The following ARHGAP20 variants were observed in gnomAD, a reference collection of about 807,000 sequenced individuals.
The protein encoded by ARHGAP20 is Rho GTPase activating protein 20, also known as rho GTPase-activating protein 20.
In ARHGAP20, 34 loss-of-function variants were observed where a neutral mutation model predicts 73.7. The ratio of observed to expected loss-of-function variants is 0.46; its 90% CI spans 0.35 to 0.61. The LOEUF (loss-of-function observed/expected upper bound fraction) is 0.61. ARHGAP20 is among the 20% of genes least tolerant of loss of function. The pLI is 0.00. For synonymous variants in ARHGAP20, 523 were observed against 518.2 expected (o/e 1.01, Z -0.13); for missense variants, 1,314 against 1,420.9 (o/e 0.92, Z 1.21).
At chr11:110,642,498 G>C (rs1439926895) in intron 2 of ARHGAP20, among the ~76,000 whole-genome samples, 2 of 152,030 alleles carry the variant, frequency 1.3e-5, no homozygotes, top group Non-Finnish European at 2.9e-5. Context: ...TATCAGGAAG[G>C]GATGTTGGGT....
At chr11:110,582,466 T>G in intron 13 of ARHGAP20, 31 bp from the exon 14 acceptor site, 2 of 1,354,608 alleles carry the variant, frequency 1.5e-6, no homozygotes, top group Non-Finnish European at 2.1e-6. Context: ...GAAGTATTAC[T>G]TTTCATATTA....
At chr11:110,698,829 C>A (rs1459619723) in intron 1 of ARHGAP20, among the ~76,000 whole-genome samples, 1 of 151,756 alleles carries the variant, frequency 6.6e-6, no homozygotes, top group African/African-American at 2.4e-5. Context: ...ATTTAGCCAG[C>A]AGTCTGTCAT....
chr11:110,703,394 G>C (rs1425643921), intron 1 of ARHGAP20, among the ~76,000 whole-genome samples: 1 of 151,866 alleles, frequency 6.6e-6, no homozygotes, highest in African/African-American at 2.4e-5. Context: ...CTGGACCCTA[G>C]TTCTACCACT....
Position 110,624,877 on chromosome 11 carries a change from G to C in ARHGAP20, c.354-566C>G, listed in dbSNP as rs138684730. ...TGGCCACCTTATTTTTCTATATGTC[G>C]AGCATTGCATTTAGATCAAAAACCT... On this transcript the variant is annotated intron_variant, in intron 3 of 14. Transcript: ENST00000683387. Among the ~76,000 whole-genome samples the C allele has an allele frequency of 3.3e-3, 502 of 152,096 alleles. 3 individuals carry two copies. Among genetic ancestry groups the C allele is most frequent in the African/African-American group, 0.011 (463 of 41,510 alleles).
At chr11:110,586,050 A>G (rs190604478) in intron 12 of ARHGAP20, among the ~76,000 whole-genome samples, 166 bp downstream of exon 12, 88 of 152,320 alleles carry the variant, frequency 5.8e-4, no homozygotes, top group African/African-American at 2.0e-3. Context: ...AAGTATTACA[A>G]TGTTCAACTA....
rs1949059984 is a variant in ARHGAP20 at position 110,640,714 on chromosome 11, T to C, written c.189-9922A>G. Among the ~76,000 whole-genome samples, 3 of 143,044 alleles carry C rather than the reference T, an allele frequency of 2.1e-5. No individual in the cohort carries two copies. The South Asian group carries it at 6.4e-4, about 31-fold the overall frequency. The allele number at this position is 143,044 out of a possible 152,430, so 93.8% of individuals were successfully genotyped here. A position where few individuals can be genotyped will look rare whatever the true frequency, so the allele number is the denominator to read the frequency against. On this transcript the variant is annotated intron_variant, in intron 2 of 14. Coordinates refer to ENST00000683387, the MANE Select transcript of ARHGAP20 (RefSeq NM_001384657.1). ...ACATGTAGTGATTATAACAATGTGA[T>C]TGTATGTAATATGTACTGTAACTTC...
intron 9 of ARHGAP20, among the ~76,000 whole-genome samples, chr11:110,598,851 G>A (rs895418092): frequency 6.6e-6 from 1 of 152,120 alleles, no homozygotes; most frequent in Admixed American, 6.5e-5. Context: ...TGTGGACCCT[G>A]GAATCCCTGG....
At chr11:110,669,073 T>C (rs901628073) in intron 2 of ARHGAP20, among the ~76,000 whole-genome samples, 5 of 152,070 alleles carry the variant, frequency 3.3e-5, no homozygotes, top group Non-Finnish European at 7.4e-5. Context: ...AAAAATTAAA[T>C]AGAACACAGA....
chr11:110,629,980 G>A (rs931006124), intron 3 of ARHGAP20, among the ~76,000 whole-genome samples: 1 of 152,152 alleles, frequency 6.6e-6, no homozygotes, highest in African/African-American at 2.4e-5. Context: ...TTGTTAAATG[G>A]CAATAGATAA....
intron 2 of ARHGAP20, among the ~76,000 whole-genome samples, chr11:110,686,798 G>A (rs916605487): frequency 1.3e-5 from 2 of 151,908 alleles, no homozygotes; most frequent in Non-Finnish European, 2.9e-5. Flanking sequence ...TACCGAATTA[G>A]AAAGGCTTAG....
At chr11:110,696,129 A>G (rs560648882) in intron 1 of ARHGAP20, among the ~76,000 whole-genome samples, 1 of 151,742 alleles carries the variant, frequency 6.6e-6, no homozygotes, top group East Asian at 1.9e-4. Flanking sequence ...ATCTATAGAG[A>G]CTTAAAGGTT....
At chr11:110,701,087 T>C (rs1950440708) in intron 1 of ARHGAP20, among the ~76,000 whole-genome samples, 1 of 151,908 alleles carries the variant, frequency 6.6e-6, no homozygotes, top group African/African-American at 2.4e-5. Context: ...TGATTTATAG[T>C]CCTTTGGGTA....
intron 2 of ARHGAP20, among the ~76,000 whole-genome samples, chr11:110,687,394 A>G (rs982094662): frequency 1.1e-4 from 16 of 152,108 alleles, no homozygotes; most frequent in African/African-American, 3.9e-4. Flanking sequence ...AACTCATCAT[A>G]TTTTGCTACT....
chr11:110,601,857 G>A (rs1476159401), intron 9 of ARHGAP20, among the ~76,000 whole-genome samples: 2 of 151,958 alleles, frequency 1.3e-5, no homozygotes, highest in African/African-American at 2.4e-5. Flanking sequence ...GTATTTGGTG[G>A]CAGGCGCCTG....
intron 1 of ARHGAP20, among the ~76,000 whole-genome samples, chr11:110,699,504 G>A (rs1475965706): frequency 6.6e-6 from 1 of 151,876 alleles, no homozygotes; most frequent in Non-Finnish European, 1.5e-5. Flanking sequence ...GTGGGGTGTC[G>A]AAGTCCCCCA....
rs142490183 is a variant in ARHGAP20, at chr11:110,687,035, C to CATATAT, written c.188+3506_188+3511dup. Among the ~76,000 whole-genome samples the CATATAT allele has an allele frequency of 5.1e-3, 619 of 122,000 alleles. 17 individuals are homozygous for CATATAT. The highest frequency in any genetic ancestry group is 0.018 in the African/African-American group (532 of 29,774). The allele number at this position is 122,000 out of a possible 152,430, so 80.0% of individuals were successfully genotyped here. ...GCAGGAAATTAACTGAAGATTAAAA[C>CATATAT]ATATATATATATATATATATAGACA... On this transcript the variant is annotated intron_variant, in intron 2 of 14. Coordinates refer to ENST00000683387, the MANE Select transcript of ARHGAP20 (RefSeq NM_001384657.1).
At chr11:110,677,839 T>G (rs982797262) in intron 2 of ARHGAP20, among the ~76,000 whole-genome samples, 1 of 152,104 alleles carries the variant, frequency 6.6e-6, no homozygotes, top group Admixed American at 6.5e-5. Flanking sequence ...CTCAAAAGAT[T>G]AGTGTTACCG....
chr11:110,690,446 A>C, intron 2 of ARHGAP20, 101 bp downstream of exon 2: 1 of 1,178,826 alleles, frequency 8.5e-7, no homozygotes, highest in East Asian at 2.4e-5. Flanking sequence ...CTGATAACAA[A>C]CAACCTCTAC....
chr11:110,620,934 C>T (rs1320224592), intron 4 of ARHGAP20, among the ~76,000 whole-genome samples: 5 of 151,934 alleles, frequency 3.3e-5, no homozygotes, highest in Middle Eastern at 3.4e-3. Flanking sequence ...ATTAGCTGGG[C>T]GCGGTGGTGT....
Sources: allele counts gnomAD v4.1 joint callset (sites outside exome capture counted in the v4.1 genomes callset), GRCh38; gene constraint gnomAD v4.1.1; transcripts MANE v1.5; gene names NCBI Gene and HGNC (gene_info 2026-07-23, HGNC 2026-07-21).